Variants in CHST11 observed in about 807,000 individuals in gnomAD.
CHST11 encodes the protein carbohydrate sulfotransferase 11.
Under a neutral mutation model 30.4 loss-of-function variants are expected in CHST11, and 9 were observed. The ratio of observed to expected loss-of-function variants is 0.30; its 90% confidence interval spans 0.18 to 0.52. The LOEUF is 0.52. Among genes scored for constraint, CHST11 ranks in the 20% least tolerant of loss-of-function variants. The probability of loss-of-function intolerance (pLI) is 0.97; values close to 1 mark genes in which losing one functional copy is unlikely to be tolerated. For synonymous variants in CHST11, 152 were observed against 187.8 expected, an observed-to-expected ratio of 0.81 and a Z score of 1.56; for missense variants, 348 against 460.6, an observed-to-expected ratio of 0.76 and a Z score of 2.24.
chr12:104,523,112 A>G (rs1005437762), intron 1 of CHST11, among the ~76,000 whole-genome samples: 1 of 152,216 alleles, frequency 6.6e-6, no homozygotes, highest in African/African-American at 2.4e-5. Context: ...AGACAACCAG[A>G]TTATATCTGT....
At chr12:104,727,085 TTTA>T (rs1258668116) in intron 2 of CHST11, among the ~76,000 whole-genome samples, 2 of 152,116 alleles carry the variant, frequency 1.3e-5, no homozygotes, top group African/African-American at 4.8e-5. Flanking sequence ...GAAACAGACA[TTTA>T]TTTGGCCATC....
chr12:104,639,493 T>G (rs2039355360), intron 2 of CHST11, among the ~76,000 whole-genome samples: 2 of 152,206 alleles, frequency 1.3e-5, no homozygotes, highest in Non-Finnish European at 1.5e-5. Flanking sequence ...AGTAATTTTT[T>G]CATGAGGCAG....
chr12:104,539,360 C>T (rs1399366425), intron 1 of CHST11, among the ~76,000 whole-genome samples: 1 of 152,200 alleles, frequency 6.6e-6, no homozygotes, highest in African/African-American at 2.4e-5. Flanking sequence ...TGCACCACAC[C>T]TAGTAGTTAG....
chr12:104,544,043 G>T (rs534599464), intron 1 of CHST11, among the ~76,000 whole-genome samples: 2 of 151,356 alleles, frequency 1.3e-5, no homozygotes, highest in African/African-American at 4.9e-5. Flanking sequence ...AGGATGGCTG[G>T]AGCCCAGGAG....
intron 1 of CHST11, among the ~76,000 whole-genome samples, chr12:104,564,662 A>G (rs546015635): frequency 1.3e-5 from 2 of 152,324 alleles, no homozygotes; most frequent in East Asian, 3.9e-4. Context: ...AAGTCTGCCT[A>G]AGGATAGAAT....
At chr12:104,476,131 A>ATATAT (rs1364728927) in intron 1 of CHST11, among the ~76,000 whole-genome samples, 4 of 144,652 alleles carry the variant, frequency 2.8e-5, no homozygotes, top group Admixed American at 7.1e-5. Context: ...ATATAATATA[A>ATATAT]TATATTATAT....
chr12:104,554,674 C>T (rs949841730), intron 1 of CHST11, among the ~76,000 whole-genome samples: 1 of 152,208 alleles, frequency 6.6e-6, no homozygotes, highest in African/African-American at 2.4e-5. Flanking sequence ...GCCAGAGCAG[C>T]TCTGCTTCGA....
intron 1 of CHST11, among the ~76,000 whole-genome samples, chr12:104,477,173 C>T (rs1023144053): frequency 4.6e-5 from 7 of 152,148 alleles, no homozygotes; most frequent in Non-Finnish European, 1.0e-4. Context: ...TGAAAAGATA[C>T]ATTTTCACTG....
At chr12:104,695,990 G>T (rs2039940798) in intron 2 of CHST11, among the ~76,000 whole-genome samples, 1 of 152,146 alleles carries the variant, frequency 6.6e-6, no homozygotes, top group African/African-American at 2.4e-5. Flanking sequence ...CAGGGCTGCG[G>T]AGCTGAGAAA....
intron 1 of CHST11, among the ~76,000 whole-genome samples, chr12:104,590,851 G>T (rs1592781919): frequency 1.3e-5 from 2 of 151,488 alleles, no homozygotes; most frequent in Middle Eastern, 3.4e-3. Context: ...GAACATGGGA[G>T]GTGGGGGTTG....
At chr12:104,755,979 T>C (rs1362741825) in intron 2 of CHST11, among the ~76,000 whole-genome samples, 3 of 151,892 alleles carry the variant, frequency 2.0e-5, no homozygotes, top group Non-Finnish European at 2.9e-5. Flanking sequence ...GGCATTGGGC[T>C]ATGGAGAACC....
At chr12:104,550,118 A>C (rs1234235932) in intron 1 of CHST11, among the ~76,000 whole-genome samples, 2 of 152,116 alleles carry the variant, frequency 1.3e-5, no homozygotes, top group African/African-American at 4.8e-5. Flanking sequence ...GGCTGTGCCG[A>C]GTTGATGTCC....
intron 1 of CHST11, among the ~76,000 whole-genome samples, chr12:104,548,700 G>T (rs2038375967): frequency 6.6e-6 from 1 of 152,162 alleles, no homozygotes; most frequent in East Asian, 1.9e-4. Flanking sequence ...GAAAAGTTTG[G>T]CAAAGGAAAG....
rs188979534 is a variant in CHST11 at position 104,540,780 on chromosome 12, C to T, written c.119-61126C>T. Among the ~76,000 whole-genome samples, 687 of 152,294 alleles carry T rather than the reference C, an allele frequency of 4.5e-3. 10 individuals are homozygous for T. The highest frequency in any genetic ancestry group is 0.037 in the Admixed American group (573 of 15,306). ...GAGGGCTGGAGGCAAAGCCTCCAGACGGCCCAGGGTGAGCCAGGGAGCATT... is the reference window on the plus strand; with the variant it reads ...GAGGGCTGGAGGCAAAGCCTCCAGATGGCCCAGGGTGAGCCAGGGAGCATT... On this transcript the variant is annotated intron_variant, in intron 1 of 2. Coordinates refer to ENST00000303694, the MANE Select transcript of CHST11 (RefSeq NM_018413.6).
At chr12:104,655,396 A>T (rs1369067939) in intron 2 of CHST11, among the ~76,000 whole-genome samples, 1 of 152,154 alleles carries the variant, frequency 6.6e-6, no homozygotes, top group Non-Finnish European at 1.5e-5. Flanking sequence ...ATAGCTAGGG[A>T]TGGATTCCAC....
chr12:104,509,644 G>A (rs2037943454), intron 1 of CHST11, among the ~76,000 whole-genome samples: 1 of 152,042 alleles, frequency 6.6e-6, no homozygotes, highest in Admixed American at 6.6e-5. Flanking sequence ...GCAGTAAAAG[G>A]CCCCCGCCCC....
At chr12:104,465,016 G>C (rs2037444705) in intron 1 of CHST11, among the ~76,000 whole-genome samples, 1 of 152,164 alleles carries the variant, frequency 6.6e-6, no homozygotes, top group African/African-American at 2.4e-5. Context: ...GCACCGTGCT[G>C]CCCTTTAACG....
intron 2 of CHST11, among the ~76,000 whole-genome samples, chr12:104,628,785 C>T (rs996395917): frequency 3.3e-5 from 5 of 152,230 alleles, no homozygotes; most frequent in Admixed American, 2.6e-4. Context: ...CCTTTAGGGT[C>T]TCTAGGGCTG....
At chr12:104,589,360 C>A (rs2038835480) in intron 1 of CHST11, among the ~76,000 whole-genome samples, 3 of 149,488 alleles carry the variant, frequency 2.0e-5, no homozygotes, top group South Asian at 2.1e-4. Flanking sequence ...AAGATTGTAC[C>A]ACTGCACTCC....
Sources: gnomAD v4.1 joint callset for allele counts (sites outside exome capture counted in the v4.1 genomes callset) on GRCh38, gnomAD v4.1.1 for gene constraint, MANE v1.5 for transcripts, NCBI Gene and HGNC (gene_info 2026-07-23, HGNC 2026-07-21) for gene names.